LRPPRC: variants seen among roughly 807,000 people sequenced by gnomAD.
The protein encoded by LRPPRC is leucine rich pentatricopeptide repeat containing.
In LRPPRC, 120 loss-of-function variants were observed where a neutral mutation model predicts 180.3. That is an observed-to-expected ratio of 0.67 (90% CI 0.57 to 0.77). The LOEUF is 0.77. Ranked by LOEUF, LRPPRC falls within the 30% of genes least tolerant of loss-of-function variation. The probability of loss-of-function intolerance (pLI) is 0.00; values close to 1 mark genes in which losing one functional copy is unlikely to be tolerated. For missense variants in LRPPRC, 2,012 were observed against 1,657.2 expected (o/e 1.21, Z -3.72); for synonymous variants, 723 against 600.0 (o/e 1.21, Z -3.00).
Position 43,887,928 on chromosome 2 carries a change from T to C in LRPPRC, c.*672A>G, listed in dbSNP as rs1258476076. Reference sequence around the variant, plus strand: ...CATTGCTCTACTTCGGGATAAGTCATGACCGAGACTCAATTTCAGAGACGC... The same window carrying C: ...CATTGCTCTACTTCGGGATAAGTCACGACCGAGACTCAATTTCAGAGACGC... On this transcript the variant is annotated 3_prime_UTR_variant, in exon 38 of 38. Coordinates refer to ENST00000260665, the MANE Select transcript of LRPPRC (RefSeq NM_133259.4). 6.5e-6 allele frequency: 1 copy of C among 152,814 alleles called. No homozygotes were observed. The highest frequency in any genetic ancestry group is 2.4e-5 in the African/African-American group (1 of 41,466). 9.5% of individuals were successfully genotyped at this position (152,814 alleles called of 1,614,324 possible).
intron 11 of LRPPRC, among the ~76,000 whole-genome samples, chr2:43,966,039 C>T (rs1217357383): frequency 6.6e-6 from 1 of 152,116 alleles, no homozygotes; most frequent in Admixed American, 6.5e-5. Flanking sequence ...GCATTATTCA[C>T]AGTACCCAAG....
chr2:43,934,951 A>C (rs1444901802), intron 23 of LRPPRC, 73 bp from the exon 24 acceptor site: 14 of 1,289,910 alleles, frequency 1.1e-5, no homozygotes, highest in Non-Finnish European at 1.6e-5. Flanking sequence ...TACTTTAGAG[A>C]GATGTTTAAT....
chr2:43,920,035 A>C lies in LRPPRC; in HGVS notation c.2897-1637T>G, dbSNP rs184716866. Among the ~76,000 whole-genome samples the C allele has an allele frequency of 6.6e-5, 10 of 151,836 alleles. No individual in the cohort carries two copies. The East Asian group carries it at 1.9e-3, about 30-fold the overall frequency. On this transcript the variant is annotated intron_variant, in intron 27 of 37. Coordinates refer to ENST00000260665, the MANE Select transcript of LRPPRC (RefSeq NM_133259.4). Reference sequence around the variant, plus strand: ...CTCCTAAAAGTAAAAAATTCAAAGAACAAAAAACAAAGCATACTCATTCTT... The same window carrying C: ...CTCCTAAAAGTAAAAAATTCAAAGACCAAAAAACAAAGCATACTCATTCTT...
At chr2:43,947,819 T>C in intron 18 of LRPPRC, 44 bp from the exon 19 acceptor site, 2 of 1,235,776 alleles carry the variant, frequency 1.6e-6, no homozygotes, top group Non-Finnish European at 2.4e-6. Context: ...AAAACACACG[T>C]AAAAATACAT....
At position 43,898,131 on chromosome 2, in the gene LRPPRC, C is replaced by T. The variant is rs559328320; in HGVS notation, c.3825+1088G>A. Among the ~76,000 whole-genome samples the T allele has an allele frequency of 7.9e-4, 119 of 149,972 alleles. 1 individual carries two copies. Among genetic ancestry groups the T allele is most frequent in the African/African-American group, 2.6e-3 (104 of 40,746 alleles). ...ACAAGCAAAGCAAAACAAGAAAATT[C>T]CCAGTGAACCGGAATTTCCCTTCTC... is the stretch of plus-strand genomic sequence containing the variant. On this transcript the variant is annotated intron_variant, in intron 34 of 37. Coordinates refer to ENST00000260665, the MANE Select transcript of LRPPRC (RefSeq NM_133259.4).
In LRPPRC at chr2:43,934,964, C is replaced by G. The variant is rs1467642964; in HGVS notation, c.2505-86G>C. ...AATACTTTAGAGAGATGTTTAATGA[C>G]CAGTTAATATGTAAACAACTGAGCT... is the stretch of plus-strand genomic sequence containing the variant. On this transcript the variant is annotated intron_variant, in intron 23 of 37. Coordinates refer to ENST00000260665, the MANE Select transcript of LRPPRC (RefSeq NM_133259.4). 8 of 1,087,382 alleles carry G rather than the reference C, an allele frequency of 7.4e-6. No homozygotes were observed. The African/African-American group carries it at 9.3e-5, about 13-fold the overall frequency. The allele number at this position is 1,087,382 out of a possible 1,614,324, so 67.4% of individuals were successfully genotyped here. A position where few individuals can be genotyped will look rare whatever the true frequency, so the allele number is the denominator to read the frequency against.
chr2:43,933,584 T>C (rs1672165912), intron 25 of LRPPRC, among the ~76,000 whole-genome samples: 1 of 152,220 alleles, frequency 6.6e-6, no homozygotes, highest in Non-Finnish European at 1.5e-5. Flanking sequence ...ACTTTATAGT[T>C]GGCCCTTGAC....
chr2:43,918,777 AT>A, intron 27 of LRPPRC, among the ~76,000 whole-genome samples: 1 of 23,564 alleles, frequency 4.2e-5, no homozygotes, highest in South Asian at 1.6e-3. Context: ...GATCCTGGAA[AT>A]ATATATATAT....
At chr2:43,912,253 T>G (rs1198705355) in intron 30 of LRPPRC, among the ~76,000 whole-genome samples, 179 bp downstream of exon 30, 1 of 151,082 alleles carries the variant, frequency 6.6e-6, no homozygotes, top group Non-Finnish European at 1.5e-5. Flanking sequence ...AGTAAAGGTG[T>G]TTTTTTTTGA....
chr2:43,888,788 C>G, intron 37 of LRPPRC, 132 bp from the exon 38 acceptor site: 1 of 656,874 alleles, frequency 1.5e-6, no homozygotes, highest in Non-Finnish European at 2.8e-6. Context: ...GCCCCTCAAG[C>G]TTCAGTACTC....
chr2:43,971,596 C>G (rs1195761290), intron 11 of LRPPRC, among the ~76,000 whole-genome samples: 3 of 149,426 alleles, frequency 2.0e-5, no homozygotes, highest in Non-Finnish European at 3.0e-5. Flanking sequence ...TTTGTCTGAT[C>G]CCCAAATATC....
intron 5 of LRPPRC, among the ~76,000 whole-genome samples, chr2:43,976,742 A>G (rs992923801): frequency 2.0e-5 from 3 of 150,798 alleles, no homozygotes; most frequent in Admixed American, 6.6e-5. Context: ...AGTCAGCTTT[A>G]TAGCTCAACA....
At chr2:43,914,684 G>C (rs1671378688) in intron 29 of LRPPRC, among the ~76,000 whole-genome samples, 1 of 151,798 alleles carries the variant, frequency 6.6e-6, no homozygotes, top group Non-Finnish European at 1.5e-5. Flanking sequence ...GCTAAGATTT[G>C]CGCCACCGCA....
intron 26 of LRPPRC, among the ~76,000 whole-genome samples, chr2:43,925,647 T>C (rs960818208): frequency 6.6e-5 from 10 of 152,164 alleles, no homozygotes; most frequent in African/African-American, 2.4e-4. Flanking sequence ...GCCAAGGACA[T>C]TAGGTCAGCC....
intron 14 of LRPPRC, among the ~76,000 whole-genome samples, chr2:43,951,805 C>G (rs1285688061): frequency 6.6e-6 from 1 of 150,452 alleles, no homozygotes; most frequent in East Asian, 2.1e-4. Context: ...TATTTTAACT[C>G]TCAACATTAG....
intron 27 of LRPPRC, among the ~76,000 whole-genome samples, chr2:43,920,079 T>TAAAAAAAAAAAAAAAAAAA (rs1023425078): frequency 1.3e-5 from 1 of 79,478 alleles, no homozygotes; most frequent in Non-Finnish European, 2.3e-5. Flanking sequence ...ATCAGCAATT[T>TAAAAAAAAAAAAAAAAAAA]AAAAAAAAAA....
chr2:43,940,130 C>T (rs1672426782), intron 23 of LRPPRC, among the ~76,000 whole-genome samples: 1 of 152,156 alleles, frequency 6.6e-6, no homozygotes, highest in South Asian at 2.1e-4. Context: ...TTATCACTGT[C>T]CTGTCCCCCT....
At chr2:43,987,262 G>A (rs1217759949) in intron 1 of LRPPRC, among the ~76,000 whole-genome samples, 1 of 152,030 alleles carries the variant, frequency 6.6e-6, no homozygotes, top group Non-Finnish European at 1.5e-5. Flanking sequence ...AGGGGAGGCC[G>A]AGGCGGGCAG....
chr2:43,906,416 CA>C (rs1342185592), intron 30 of LRPPRC, among the ~76,000 whole-genome samples: 2 of 151,922 alleles, frequency 1.3e-5, no homozygotes, highest in East Asian at 3.9e-4. Context: ...AACTCAAGAG[CA>C]AAAAATCACT....
Sources: allele counts gnomAD v4.1 joint callset (sites outside exome capture counted in the v4.1 genomes callset), GRCh38; gene constraint gnomAD v4.1.1; transcripts MANE v1.5; gene names NCBI Gene and HGNC (gene_info 2026-07-23, HGNC 2026-07-21).